Variants in WDFY3 observed in about 807,000 individuals in gnomAD.
The protein encoded by WDFY3 is WD repeat and FYVE domain containing 3.
In WDFY3, 66 loss-of-function variants were observed where a neutral mutation model predicts 409.6. The ratio of observed to expected loss-of-function variants is 0.16; its 90% CI spans 0.13 to 0.20. WDFY3 has a LOEUF of 0.20. Among genes scored for constraint, WDFY3 ranks in the 10% least tolerant of loss-of-function variants. The pLI, the probability that WDFY3 is intolerant of heterozygous loss-of-function variation, is 1.00. For synonymous variants in WDFY3, 1,521 were observed against 1,537.1 expected (o/e 0.99, Z 0.25); for missense variants, 3,031 against 4,298.1 (o/e 0.71, Z 8.24).
At chr4:84,882,801 C>CCTCCTAGG (rs2150414679) in intron 3 of WDFY3, among the ~76,000 whole-genome samples, 1 of 151,894 alleles carries the variant, frequency 6.6e-6, no homozygotes, top group East Asian at 1.9e-4. Context: ...GAAGCCTCGA[C>CCTCCTAGG]CTCCTAGGCT....
At chr4:84,830,530 T>C (rs1202841628) in intron 8 of WDFY3, among the ~76,000 whole-genome samples, 1 of 152,234 alleles carries the variant, frequency 6.6e-6, no homozygotes, top group African/African-American at 2.4e-5. Flanking sequence ...GATGGGTTTA[T>C]TGGGACATAA....
rs765763428 is a variant in WDFY3 at position 84,809,930 on chromosome 4, G to A, written c.2302C>T (p.Leu768Phe). The stretch of plus-strand genomic sequence containing the variant: ...GCTACTTTGTAAAGATAAATAAAAA[G>A]TTTACTGCAGTGCCGTAACGTGGGT... ...VSPTLRHCSKLFIYLYKVATD... is the reference protein window; with the variant it reads ...VSPTLRHCSKFFIYLYKVATD... The change falls in exon 14 of 68, where the codon CTT becomes TTT. Residue 768 changes from leucine to phenylalanine, a missense_variant. Leu to Phe is a conservative substitution (Grantham distance 22, BLOSUM62 0). This residue lies in a region of WDFY3 where 1,322 missense variants were observed against 1,697.9 expected (regional missense o/e 0.78). Coordinates refer to ENST00000295888, the MANE Select transcript of WDFY3 (RefSeq NM_014991.6). 6.2e-7 allele frequency: 1 copy of A among 1,614,002 alleles called. No homozygotes were observed. Among genetic ancestry groups the A allele is most frequent in the Non-Finnish European group, 8.5e-7 (1 of 1,179,960 alleles).
At position 84,821,551 on chromosome 4, in the gene WDFY3, C is replaced by T. The variant is rs1474143747; in HGVS notation, c.1124G>A (p.Gly375Asp). 6.3e-7 allele frequency: 1 copy of T among 1,597,952 alleles called. No homozygotes were observed. The highest frequency in any genetic ancestry group is 8.5e-7 in the Non-Finnish European group (1 of 1,173,330). ...GFAVPQPAGK[G>D]HSVRNVQAFA... is the part of the protein sequence containing the mutation. The stretch of plus-strand genomic sequence containing the variant: ...GGCCTGGACGTTTCTCACACTGTGA[C>T]CTAGAACAGAAAAGAAAAACATAAA... Residue 375 changes from glycine (G) to aspartate (D), a missense_variant and splice_region_variant, in exon 11 of 68, where the codon GGT becomes GAT. Coordinates refer to ENST00000295888, the MANE Select transcript of WDFY3 (RefSeq NM_014991.6).
At chr4:84,900,777 C>T (rs908897380) in intron 2 of WDFY3, among the ~76,000 whole-genome samples, 2 of 152,096 alleles carry the variant, frequency 1.3e-5, no homozygotes, top group African/African-American at 4.8e-5. Context: ...CACTTATCTG[C>T]ACATGTATCA....
At chr4:84,683,632 A>C (rs538164451) in intron 63 of WDFY3, among the ~76,000 whole-genome samples, 40 of 152,096 alleles carry the variant, frequency 2.6e-4, no homozygotes, top group Admixed American at 6.5e-4. Context: ...CAGGCTGAAA[A>C]CCCAGTACTT....
rs775595248 is a variant in WDFY3 at position 84,796,507 on chromosome 4, T to C, written c.3167+14A>G. ...ATAAAACCATAAAGGTTGGCTTCCT[T>C]GCAAATTTCTTACCCAAACCCTTCA... On this transcript the variant is annotated intron_variant, in intron 19 of 67. Coordinates refer to ENST00000295888, the MANE Select transcript of WDFY3 (RefSeq NM_014991.6). 4 of 1,517,814 alleles carry C rather than the reference T, an allele frequency of 2.6e-6. No individual in the cohort carries two copies. The South Asian group carries it at 5.4e-5, about 20-fold the overall frequency. 94.0% of individuals were successfully genotyped at this position (1,517,814 alleles called of 1,614,324 possible). A position where few individuals can be genotyped will look rare whatever the true frequency, so the allele number is the denominator to read the frequency against.
intron 1 of WDFY3, among the ~76,000 whole-genome samples, chr4:84,952,994 C>T (rs1407672419): frequency 1.3e-5 from 2 of 151,958 alleles, no homozygotes; most frequent in African/African-American, 4.8e-5. Flanking sequence ...TTCACTGCAG[C>T]ATTATTCATT....
chr4:84,793,001 A>T (rs2149563796), intron 21 of WDFY3, among the ~76,000 whole-genome samples: 1 of 152,356 alleles, frequency 6.6e-6, no homozygotes. Flanking sequence ...AAGATTATTA[A>T]ACAAGTGCTA....
At chr4:84,678,811 G>A (rs991211306) in intron 65 of WDFY3, 108 bp downstream of exon 65, 11 of 1,251,222 alleles carry the variant, frequency 8.8e-6, no homozygotes, top group Non-Finnish European at 1.0e-5. Context: ...CCAGCTCACG[G>A]GGCACATCCA....
Position 84,684,027 on chromosome 4 carries a change from C to T in WDFY3, c.9642G>A (p.Gln3214=). The T allele has an allele frequency of 1.9e-6, 3 of 1,613,874 alleles. No individual in the cohort carries two copies. Among genetic ancestry groups the T allele is most frequent in the Non-Finnish European group, 2.5e-6 (3 of 1,179,768 alleles). Residue 3214 remains glutamine (Q), a synonymous_variant, in exon 63 of 68, where the codon CAG becomes CAA. Coordinates refer to ENST00000295888, the MANE Select transcript of WDFY3 (RefSeq NM_014991.6). The part of the protein sequence containing the change: ...SVNTFTGRSQ[Q]IICCCMSEMN... Reference sequence around the variant, plus strand: ...TCTCCGACATGCAGCAGCAGATGATCTGCTGGCTCCTACCTGTGAACGTGT... The same window carrying T: ...TCTCCGACATGCAGCAGCAGATGATTTGCTGGCTCCTACCTGTGAACGTGT...
intron 17 of WDFY3, among the ~76,000 whole-genome samples, chr4:84,799,760 T>G (rs2149627367): frequency 6.6e-6 from 1 of 152,326 alleles, no homozygotes; most frequent in East Asian, 1.9e-4. Context: ...CAAGTTAGGT[T>G]TGCCAGTTTT....
intron 1 of WDFY3, among the ~76,000 whole-genome samples, chr4:84,944,295 G>A (rs1437018359): frequency 6.6e-6 from 1 of 150,754 alleles, no homozygotes; most frequent in Non-Finnish European, 1.5e-5. Flanking sequence ...GAGGCTGAGG[G>A]GGATGGATCA....
In WDFY3 at chr4:84,765,969, C is replaced by T; in HGVS notation, c.5029G>A (p.Glu1677Lys). ...GTAACTGTGGTGGAATGTAAGTGTTCCTCCATAAACATCATGATCCAGTCA... is the reference window on the plus strand; with the variant it reads ...GTAACTGTGGTGGAATGTAAGTGTTTCTCCATAAACATCATGATCCAGTCA... ...GFDWIMMFME[E>K]HLHSTTVTAA... Residue 1677 changes from glutamate to lysine, a missense_variant, in exon 32 of 68, where the codon GAA (glutamate) becomes AAA (lysine). This residue lies in a region of WDFY3 where 342 missense variants were observed against 463.7 expected (regional missense o/e 0.74). Coordinates refer to ENST00000295888, the MANE Select transcript of WDFY3 (RefSeq NM_014991.6). 5 of 1,613,952 alleles carry T rather than the reference C, an allele frequency of 3.1e-6. No individual in the cohort carries two copies. Among genetic ancestry groups the T allele is most frequent in the Non-Finnish European group, 4.2e-6 (5 of 1,179,934 alleles).
intron 62 of WDFY3, 35 bp from the exon 63 acceptor site, chr4:84,684,160 TC>T: frequency 6.7e-7 from 1 of 1,487,906 alleles, no homozygotes. Context: ...TTCTCTTTGC[TC>T]CCTTCCAATT....
rs1177055598 is a variant in WDFY3, at chr4:84,798,115, A to G, written c.2823-7T>C. ...TGCCAAACGTAAAAACTCCCTAAGA[A>G]AGAGACAAAGCAAAGTTATTCCTTG... On this transcript the variant is annotated splice_polypyrimidine_tract_variant and splice_region_variant and intron_variant, in intron 17 of 67. Coordinates refer to ENST00000295888, the MANE Select transcript of WDFY3 (RefSeq NM_014991.6). 1 of 1,600,828 alleles carries G rather than the reference A, an allele frequency of 6.2e-7. No homozygotes were observed. Among genetic ancestry groups the G allele is most frequent in the Non-Finnish European group, 8.5e-7 (1 of 1,173,140 alleles).
Position 84,880,124 on chromosome 4 carries a change from A to G in WDFY3, c.-32+16787T>C, listed in dbSNP as rs180954280. Among the ~76,000 whole-genome samples the G allele has an allele frequency of 1.1e-3, 167 of 152,256 alleles. 2 individuals carry two copies. The highest frequency in any genetic ancestry group is 3.7e-3 in the African/African-American group (154 of 41,568). On this transcript the variant is annotated intron_variant, in intron 3 of 67. Transcript: ENST00000295888. ...TCACAAAGAAGGAGTCAGGAGAGAG[A>G]AGGAGATGTGACCAGGAAGCAGAGG...
At chr4:84,764,857 T>A (rs957798671) in intron 32 of WDFY3, among the ~76,000 whole-genome samples, 1 of 142,538 alleles carries the variant, frequency 7.0e-6, no homozygotes, top group East Asian at 2.1e-4. Context: ...AGAGCTAGAC[T>A]CCGACTCAAA....
chr4:84,835,453 C>T (rs1756438104), intron 7 of WDFY3, among the ~76,000 whole-genome samples: 1 of 152,144 alleles, frequency 6.6e-6, no homozygotes, highest in Non-Finnish European at 1.5e-5. Flanking sequence ...CTGCCATTTG[C>T]TTACATAATC....
chr4:84,782,872 G>T lies in WDFY3; in HGVS notation c.4174+91C>A. ...CTATAGGTCAGTGCTATTAAAATAT[G>T]AACTTAAATACTGCCCCTTAAGTGA... On this transcript the variant is annotated intron_variant, in intron 25 of 67. Transcript: ENST00000295888. The T allele has an allele frequency of 4.5e-6, 5 of 1,107,038 alleles. No homozygotes were observed. In the African/African-American group the frequency reaches 6.2e-5, roughly 14 times the overall value. 68.6% of individuals were successfully genotyped at this position (1,107,038 alleles called of 1,614,324 possible). A position where few individuals can be genotyped will look rare whatever the true frequency, so the allele number is the denominator to read the frequency against.
Sources: gnomAD v4.1 joint callset for allele counts (sites outside exome capture counted in the v4.1 genomes callset) on GRCh38, gnomAD v4.1.1 for gene constraint, gnomAD v4.1.1 regional missense constraint, MANE v1.5 for transcripts, NCBI Gene and HGNC (gene_info 2026-07-23, HGNC 2026-07-21) for gene names.